The following GRIN2A variants were observed in gnomAD, a reference collection of about 807,000 sequenced individuals.
The protein encoded by GRIN2A is glutamate receptor ionotropic, NMDA 2A.
In GRIN2A, 22 loss-of-function variants were observed where a neutral mutation model predicts 113.4. The ratio of observed to expected loss-of-function variants is 0.19; its 90% CI spans 0.14 to 0.28. The LOEUF (loss-of-function observed/expected upper bound fraction) is 0.28. GRIN2A is among the 10% of genes least tolerant of loss of function. GRIN2A has a pLI of 1.00. For missense variants in GRIN2A, 1,502 were observed against 1,887.0 expected (o/e 0.80, Z 3.78); for synonymous variants, 827 against 738.4 (o/e 1.12, Z -1.94).
chr16:10,072,105 T>C (rs909042323), intron 2 of GRIN2A, among the ~76,000 whole-genome samples: 2 of 152,176 alleles, frequency 1.3e-5, no homozygotes, highest in African/African-American at 4.8e-5. Context: ...CTTGGAAACA[T>C]CCATAGCTCC....
intron 2 of GRIN2A, among the ~76,000 whole-genome samples, chr16:10,099,560 A>G (rs9936140): frequency 0.41 from 61,772 of 151,948 alleles, 12,702 homozygotes; most frequent in East Asian, 0.46. Flanking sequence ...GGATGATACT[A>G]TCTGGAGCTG....
At chr16:9,784,762 C>G (rs1041639541) in intron 11 of GRIN2A, among the ~76,000 whole-genome samples, 1 of 152,160 alleles carries the variant, frequency 6.6e-6, no homozygotes, top group Admixed American at 6.5e-5. Context: ...CAAACAACCC[C>G]ATCAAAAAGT....
chr16:10,044,593 G>A (rs1302455211), intron 2 of GRIN2A, among the ~76,000 whole-genome samples: 1 of 149,888 alleles, frequency 6.7e-6, no homozygotes, highest in Non-Finnish European at 1.5e-5. Context: ...ATTTGCTTTT[G>A]AAAAGTTTTT....
intron 11 of GRIN2A, among the ~76,000 whole-genome samples, chr16:9,780,153 C>T (rs1901857122): frequency 6.6e-6 from 1 of 152,200 alleles, no homozygotes; most frequent in African/African-American, 2.4e-5. Context: ...AAACTACCTG[C>T]ACTGCTGGCA....
intron 2 of GRIN2A, among the ~76,000 whole-genome samples, chr16:10,087,421 T>C (rs2048105359): frequency 1.3e-5 from 2 of 152,208 alleles, no homozygotes; most frequent in African/African-American, 4.8e-5. Flanking sequence ...CATCTCTTCA[T>C]CTACATCCTT....
intron 2 of GRIN2A, among the ~76,000 whole-genome samples, chr16:9,991,424 A>C (rs140045089): frequency 2.8e-4 from 43 of 152,344 alleles, no homozygotes; most frequent in African/African-American, 9.6e-4. Context: ...AAATAGATTT[A>C]AGGGATACAA....
chr16:9,915,332 G>A (rs1454961223), intron 3 of GRIN2A, among the ~76,000 whole-genome samples: 2 of 151,912 alleles, frequency 1.3e-5, no homozygotes, highest in Non-Finnish European at 2.9e-5. Context: ...ATCAAAACTG[G>A]GAGGACTTGA....
intron 3 of GRIN2A, among the ~76,000 whole-genome samples, chr16:9,923,921 G>C (rs909856705): frequency 1.3e-5 from 2 of 152,020 alleles, no homozygotes; most frequent in Admixed American, 1.3e-4. Flanking sequence ...GAGGCCAGGA[G>C]TTCGAGACCA....
chr16:10,132,355 A>G (rs1162198864), intron 2 of GRIN2A, among the ~76,000 whole-genome samples: 2 of 151,490 alleles, frequency 1.3e-5, no homozygotes, highest in African/African-American at 4.8e-5. Flanking sequence ...AAAAAAAAAA[A>G]AAAGATGTGA....
intron 11 of GRIN2A, among the ~76,000 whole-genome samples, chr16:9,783,570 A>G (rs931843274): frequency 6.6e-6 from 1 of 152,146 alleles, no homozygotes; most frequent in African/African-American, 2.4e-5. Context: ...TGTGGTTGGC[A>G]TGTGGACTAA....
chr16:9,995,969 T>C (rs1334159799), intron 2 of GRIN2A, among the ~76,000 whole-genome samples: 1 of 64,156 alleles, frequency 1.6e-5, no homozygotes, highest in Non-Finnish European at 2.9e-5. Flanking sequence ...GGTAAAACAA[T>C]AGATCAAGGA....
intron 2 of GRIN2A, among the ~76,000 whole-genome samples, chr16:9,973,716 T>C (rs1026417858): frequency 6.6e-6 from 1 of 152,080 alleles, no homozygotes; most frequent in African/African-American, 2.4e-5. Flanking sequence ...GATTCAAATT[T>C]TTCACAGACT....
At chr16:9,874,888 C>G (rs2043333787) in intron 4 of GRIN2A, among the ~76,000 whole-genome samples, 1 of 151,880 alleles carries the variant, frequency 6.6e-6, no homozygotes, top group Non-Finnish European at 1.5e-5. Flanking sequence ...GAATTTGAGA[C>G]CAGCCTGGGC....
chr16:9,949,006 G>T (rs986065304), intron 2 of GRIN2A, among the ~76,000 whole-genome samples: 8 of 152,164 alleles, frequency 5.3e-5, no homozygotes, highest in Admixed American at 6.5e-5. Flanking sequence ...CTGTAACAGG[G>T]TAATGAGCAA....
intron 2 of GRIN2A, among the ~76,000 whole-genome samples, chr16:10,039,800 G>T (rs1444912018): frequency 1.8e-5 from 1 of 55,028 alleles, no homozygotes; most frequent in African/African-American, 9.4e-5. Context: ...GGGGGAGGGG[G>T]AGGGGGGGGA....
At chr16:10,134,195 GAA>G (rs71402436) in intron 2 of GRIN2A, among the ~76,000 whole-genome samples, 3 of 18,246 alleles carry the variant, frequency 1.6e-4, no homozygotes, top group African/African-American at 4.9e-4. Flanking sequence ...ACTGTTTCCA[GAA>G]AAAAAAAAAA....
chr16:10,166,557 G>A (rs9888961), intron 2 of GRIN2A, among the ~76,000 whole-genome samples: 45,800 of 152,016 alleles, frequency 0.3, 7,219 homozygotes, highest in Non-Finnish European at 0.32. Context: ...GGATGAAGCT[G>A]TCCCTCCTCT....
At chr16:10,112,343 T>C (rs2142150456) in intron 2 of GRIN2A, 1 of 652,162 alleles carries the variant, frequency 1.5e-6, no homozygotes. Flanking sequence ...ATGGACTGCA[T>C]GTAGTTATGG....
intron 4 of GRIN2A, among the ~76,000 whole-genome samples, chr16:9,859,217 AC>A (rs1819075971): frequency 6.6e-6 from 1 of 152,004 alleles, no homozygotes; most frequent in Non-Finnish European, 1.5e-5. Flanking sequence ...CTGCCTTTGC[AC>A]ACACACTTAT....
Sources: allele counts gnomAD v4.1 joint callset (sites outside exome capture counted in the v4.1 genomes callset), GRCh38; gene constraint gnomAD v4.1.1; transcripts MANE v1.5; gene names NCBI Gene and HGNC (gene_info 2026-07-23, HGNC 2026-07-21).